AIG1: variants seen among roughly 807,000 people sequenced by gnomAD.
AIG1 encodes the protein androgen induced 1, also known as androgen-induced gene 1 protein.
Under a neutral mutation model 31.4 loss-of-function variants are expected in AIG1, and 23 were observed. The ratio of observed to expected loss-of-function variants is 0.73; its 90% CI spans 0.53 to 1.04. The LOEUF is 1.04. Ranked by LOEUF, AIG1 falls within the 50% of genes least tolerant of loss-of-function variation. The probability of loss-of-function intolerance (pLI) is 0.00; values close to 1 mark genes in which losing one functional copy is unlikely to be tolerated. For missense variants in AIG1, 274 were observed against 295.0 expected (o/e 0.93, Z 0.52); for synonymous variants, 100 against 110.5 (o/e 0.90, Z 0.60).
In AIG1 at chr6:143,334,882, C is replaced by A. The variant is rs879867827; in HGVS notation, c.679+1437C>A. On this transcript the variant is annotated intron_variant, in intron 5 of 5. Transcript: ENST00000357847. The surrounding 1 kb of genome is among the most constrained non-coding windows in gnomAD (Gnocchi z 5.1). The stretch of plus-strand genomic sequence containing the variant: ...CTATGAGAGGATGACCTGAAAACCA[C>A]TAGAGAGAAATATCCACTCTACATT... 6.6e-6 allele frequency among the ~76,000 whole-genome samples: 1 copy of A among 152,142 alleles called. No individual in the cohort carries two copies. Among genetic ancestry groups the A allele is most frequent in the Non-Finnish European group, 1.5e-5 (1 of 68,026 alleles).
intron 3 of AIG1, among the ~76,000 whole-genome samples, chr6:143,255,206 C>T: frequency 6.6e-6 from 1 of 152,156 alleles, no homozygotes; most frequent in East Asian, 1.9e-4. Context: ...AATAATTGAG[C>T]CACCCTCTTC....
rs1459846098 is a variant in AIG1, at chr6:143,339,676, A to G, written c.717A>G (p.Ter239TrpextTer14). 3.1e-6 allele frequency: 5 copies of G among 1,613,386 alleles called. No individual in the cohort carries two copies. The highest frequency in any genetic ancestry group is 4.2e-6 in the Non-Finnish European group (5 of 1,179,714). Residue 239 changes from the stop codon to tryptophan, a stop_lost, in exon 6 of 6, where the codon TGA becomes TGG. Coordinates refer to ENST00000357847, the MANE Select transcript of AIG1 (RefSeq NM_016108.4). ...AGAAAGAAAAGCCTAAATTGGAATG[A>G]GATCCAAGTCTAAACGCAAGAGCTA... ...EEEKEKPKLE[*>W]
chr6:143,343,711 A>G (rs963817512), downstream of AIG1, among the ~76,000 whole-genome samples: 1 of 152,074 alleles, frequency 6.6e-6, no homozygotes. Context: ...GTGTGTGTGC[A>G]TGTGTTATAA....
chr6:143,087,442 C>A (rs1334881650), intron 1 of AIG1, among the ~76,000 whole-genome samples: 1 of 152,202 alleles, frequency 6.6e-6, no homozygotes, highest in Non-Finnish European at 1.5e-5. Flanking sequence ...AGGTGCTTAG[C>A]CGTGCCCGAA....
intron 3 of AIG1, among the ~76,000 whole-genome samples, chr6:143,208,036 A>G (rs961881973): frequency 6.6e-6 from 1 of 152,156 alleles, no homozygotes. Flanking sequence ...ACTCAGTATG[A>G]AATGAGACCA....
At chr6:143,197,416 T>G (rs1790335600) in intron 3 of AIG1, among the ~76,000 whole-genome samples, 1 of 152,174 alleles carries the variant, frequency 6.6e-6, no homozygotes, top group Non-Finnish European at 1.5e-5. Context: ...TTTGAGCAAG[T>G]TTTTCTAAGT....
At chr6:143,092,279 A>ATT (rs760340815) in intron 1 of AIG1, among the ~76,000 whole-genome samples, 89 of 117,664 alleles carry the variant, frequency 7.6e-4, no homozygotes, top group African/African-American at 1.4e-3. Flanking sequence ...TAATTTTTTG[A>ATT]TTTTTTTTTT....
At chr6:143,098,562 A>G (rs1779989846) in intron 1 of AIG1, among the ~76,000 whole-genome samples, 1 of 152,208 alleles carries the variant, frequency 6.6e-6, no homozygotes, top group African/African-American at 2.4e-5. Context: ...GTGGCTTTAA[A>G]TACATTCTAT....
At chr6:143,201,903 AC>A (rs1296304400) in intron 3 of AIG1, among the ~76,000 whole-genome samples, 2 of 152,190 alleles carry the variant, frequency 1.3e-5, no homozygotes, top group Admixed American at 6.6e-5. Context: ...AGCCATCCTT[AC>A]GTTTTTTCTG....
chr6:143,187,162 T>C (rs1789338002), intron 3 of AIG1, among the ~76,000 whole-genome samples: 1 of 152,188 alleles, frequency 6.6e-6, no homozygotes, highest in Admixed American at 6.5e-5. Flanking sequence ...TTAATGAAAT[T>C]CCTTAAAAGC....
In AIG1 at chr6:143,329,438, G is replaced by A. The variant is rs1267147147; in HGVS notation, c.516-3844G>A. Among the ~76,000 whole-genome samples the A allele has an allele frequency of 6.6e-6, 1 of 152,194 alleles. No homozygotes were observed. The highest frequency in any genetic ancestry group is 2.4e-5 in the African/African-American group (1 of 41,450). On this transcript the variant is annotated intron_variant, in intron 4 of 5. Transcript: ENST00000357847. The surrounding 1 kb of genome is among the most constrained non-coding windows in gnomAD (Gnocchi z 4.9). Reference sequence around the variant, plus strand: ...ACTCAGAAGAGCTGTCTGCTTCTCTGCCTCGTAGGTTGCAAACCTGAGAAT... The same window carrying A: ...ACTCAGAAGAGCTGTCTGCTTCTCTACCTCGTAGGTTGCAAACCTGAGAAT...
intron 3 of AIG1, among the ~76,000 whole-genome samples, chr6:143,210,338 A>C (rs1029981258): frequency 6.6e-6 from 1 of 152,226 alleles, no homozygotes; most frequent in African/African-American, 2.4e-5. Flanking sequence ...GGACTAATAC[A>C]CTGGTCTTAG....
chr6:143,066,702 G>A (rs1271662353), intron 1 of AIG1, among the ~76,000 whole-genome samples: 1 of 152,134 alleles, frequency 6.6e-6, no homozygotes, highest in Non-Finnish European at 1.5e-5. Context: ...GTTAGTTATT[G>A]CTATTGAGAA....
intron 3 of AIG1, among the ~76,000 whole-genome samples, chr6:143,273,755 T>C (rs373729699): frequency 2.6e-5 from 4 of 152,260 alleles, no homozygotes; most frequent in East Asian, 3.9e-4. Flanking sequence ...GTGAGACTTA[T>C]TCACTACCAT....
In AIG1 at chr6:143,137,922, C is replaced by G. The variant is rs911786519; in HGVS notation, c.297+932C>G. Among the ~76,000 whole-genome samples the G allele has an allele frequency of 1.5e-4, 23 of 152,154 alleles. 1 individual carries two copies. The highest frequency in any genetic ancestry group is 5.9e-5 in the Non-Finnish European group (4 of 68,030). On this transcript the variant is annotated intron_variant, in intron 2 of 5. Coordinates refer to ENST00000357847, the MANE Select transcript of AIG1 (RefSeq NM_016108.4). ...CAGTGATGTGGTCTAGCACATGCAC[C>G]AAGTCCATTGTAGGAAGAATCAGAA...
At chr6:143,077,020 C>T (rs900046046) in intron 1 of AIG1, among the ~76,000 whole-genome samples, 2 of 152,086 alleles carry the variant, frequency 1.3e-5, no homozygotes, top group Non-Finnish European at 2.9e-5. Flanking sequence ...TTGTATATAT[C>T]TCTTTGAATT....
At chr6:143,289,298 A>G (rs1797894977) in intron 4 of AIG1, among the ~76,000 whole-genome samples, 1 of 152,174 alleles carries the variant, frequency 6.6e-6, no homozygotes, top group Admixed American at 6.5e-5. Flanking sequence ...GTGATGCTAC[A>G]TCAAAATCAG....
intron 1 of AIG1, among the ~76,000 whole-genome samples, chr6:143,091,680 C>CT (rs1779318265): frequency 6.6e-6 from 1 of 152,070 alleles, no homozygotes; most frequent in Non-Finnish European, 1.5e-5. Context: ...ATAGCCATAG[C>CT]TATAGAAATG....
intron 3 of AIG1, among the ~76,000 whole-genome samples, chr6:143,265,521 G>T (rs551137546): frequency 6.6e-6 from 1 of 152,210 alleles, no homozygotes; most frequent in South Asian, 2.1e-4. Context: ...CTGCCTGGCG[G>T]TCCTCAACTC....
Sources: allele counts gnomAD v4.1 joint callset (sites outside exome capture counted in the v4.1 genomes callset), GRCh38; gene constraint gnomAD v4.1.1; non-coding constraint Gnocchi (gnomAD v3.1); transcripts MANE v1.5; gene names NCBI Gene and HGNC (gene_info 2026-07-23, HGNC 2026-07-21).